Variants in COL28A1 observed in about 807,000 individuals in gnomAD.
COL28A1 encodes collagen type XXVIII alpha 1 chain, also known as collagen alpha-1(XXVIII) chain.
In COL28A1, 161 loss-of-function variants were observed where a neutral mutation model predicts 150.2. The ratio of observed to expected loss-of-function variants is 1.07; its 90% confidence interval spans 0.94 to 1.22. The LOEUF is 1.22. Among genes scored for constraint, COL28A1 ranks in the 50% most tolerant of loss-of-function variants. The pLI is 0.00. For missense variants in COL28A1, 1,617 were observed against 1,388.3 expected (o/e 1.16, Z -2.62); for synonymous variants, 552 against 469.7 (o/e 1.18, Z -2.26).
At chr7:7,419,745 A>G (rs1784291819) in intron 26 of COL28A1, 140 bp downstream of exon 26, 1 of 450,996 alleles carries the variant, frequency 2.2e-6, no homozygotes. Context: ...TTCACCTGAT[A>G]TGAAAAATAA....
At chr7:7,486,090 T>C (rs1221857725) in intron 13 of COL28A1, among the ~76,000 whole-genome samples, 1 of 152,180 alleles carries the variant, frequency 6.6e-6, no homozygotes, top group African/African-American at 2.4e-5. Flanking sequence ...TCTGTAAACA[T>C]GCCTCTAAAT....
intron 27 of COL28A1, among the ~76,000 whole-genome samples, chr7:7,410,319 C>A (rs1278439520): frequency 1.3e-5 from 2 of 152,132 alleles, no homozygotes; most frequent in Non-Finnish European, 2.9e-5. Flanking sequence ...ATTTTGATCA[C>A]CAAGATAATT....
intron 3 of COL28A1, among the ~76,000 whole-genome samples, chr7:7,527,129 T>C (rs1344464728): frequency 6.6e-6 from 1 of 152,238 alleles, no homozygotes; most frequent in African/African-American, 2.4e-5. Context: ...ACTCATTTAA[T>C]TTTGTGTTTG....
chr7:7,448,995 G>A (rs1786482185), intron 18 of COL28A1, among the ~76,000 whole-genome samples: 1 of 152,000 alleles, frequency 6.6e-6, no homozygotes, highest in South Asian at 2.1e-4. Context: ...AGGGATAGAA[G>A]GACAGATGGT....
chr7:7,448,493 G>C (rs1043010996), intron 18 of COL28A1, among the ~76,000 whole-genome samples: 6 of 151,258 alleles, frequency 4.0e-5, no homozygotes, highest in Non-Finnish European at 4.4e-5. Context: ...AAGTTGATTT[G>C]GCAATTTCTT....
chr7:7,436,560 A>C, intron 22 of COL28A1, 97 bp from the exon 23 acceptor site: 2 of 786,774 alleles, frequency 2.5e-6, no homozygotes, highest in Non-Finnish European at 4.6e-6. Context: ...TAAAGAGCTT[A>C]ATCTGTCCAT....
upstream of COL28A1, among the ~76,000 whole-genome samples, chr7:7,536,229 A>T (rs180958527): frequency 5.6e-4 from 85 of 152,224 alleles, no homozygotes; most frequent in Admixed American, 4.3e-3. Flanking sequence ...TTTTTAAGAG[A>T]GGTAACAGTT....
In COL28A1 at chr7:7,444,200, C is replaced by G. The variant is rs191009789; in HGVS notation, c.1581+218G>C. Reference sequence around the variant, plus strand: ...AAGAAACTAGGCCATAACCAAAACACCAGACAGAAGGCAGAGGATGTGAGA... The same window carrying G: ...AAGAAACTAGGCCATAACCAAAACAGCAGACAGAAGGCAGAGGATGTGAGA... On this transcript the variant is annotated intron_variant, in intron 19 of 34. Transcript: ENST00000399429. Among the ~76,000 whole-genome samples, 259 of 152,042 alleles carry G rather than the reference C, an allele frequency of 1.7e-3. 1 individual carries two copies. The highest frequency in any genetic ancestry group is 3.1e-3 in the Non-Finnish European group (212 of 67,998).
chr7:7,522,329 T>G (rs958892497), intron 4 of COL28A1, among the ~76,000 whole-genome samples: 2 of 152,224 alleles, frequency 1.3e-5, no homozygotes, highest in African/African-American at 4.8e-5. Flanking sequence ...TTAGAATTTC[T>G]GATCCTTCTC....
At chr7:7,454,005 A>G (rs936790707) in intron 16 of COL28A1, among the ~76,000 whole-genome samples, 1 of 152,218 alleles carries the variant, frequency 6.6e-6, no homozygotes, top group Non-Finnish European at 1.5e-5. Context: ...TAGTCAGTAG[A>G]TACCAAACTG....
At chr7:7,355,605 C>G (rs577752549), downstream of COL28A1, among the ~76,000 whole-genome samples, 1 of 152,126 alleles carries the variant, frequency 6.6e-6, no homozygotes, top group East Asian at 1.9e-4. Flanking sequence ...AACACTCCAT[C>G]TCAAAAACAA....
Position 7,437,609 on chromosome 7 carries a change from G to A in COL28A1, c.1723-147C>T, listed in dbSNP as rs796390634. On this transcript the variant is annotated intron_variant, in intron 21 of 34. Transcript: ENST00000399429. ...AAAGACCAATGTGAAAATAATTTGAGCATCTTTTGTAACCACTGCTAGTTA... is the reference window on the plus strand; with the variant it reads ...AAAGACCAATGTGAAAATAATTTGAACATCTTTTGTAACCACTGCTAGTTA... 8.5e-6 allele frequency: 11 copies of A among 1,300,080 alleles called. No individual in the cohort carries two copies. The African/African-American group carries it at 2.2e-4, about 26-fold the overall frequency. 80.5% of individuals were successfully genotyped at this position (1,300,080 alleles called of 1,614,324 possible). A position where few individuals can be genotyped will look rare whatever the true frequency, so the allele number is the denominator to read the frequency against.
At chr7:7,415,484 C>T (rs532801059) in intron 27 of COL28A1, among the ~76,000 whole-genome samples, 3 of 152,208 alleles carry the variant, frequency 2.0e-5, no homozygotes, top group Non-Finnish European at 2.9e-5. Flanking sequence ...CTCTGCCCTG[C>T]TACCAACTGG....
intron 13 of COL28A1, among the ~76,000 whole-genome samples, chr7:7,479,627 A>G (rs1204952367): frequency 2.0e-5 from 3 of 152,238 alleles, no homozygotes; most frequent in African/African-American, 7.2e-5. Flanking sequence ...TTTTATATGC[A>G]AATTGAAATC....
rs1780431869 is a variant in COL28A1 at position 7,358,157 on chromosome 7, C to T, written c.*476G>A. ...CCCAGCACTCCTGCGTAAACATTTA[C>T]ATCATTTCTAATTCTCACACCGAAG... is the stretch of plus-strand genomic sequence containing the variant. On this transcript the variant is annotated 3_prime_UTR_variant, in exon 35 of 35. Coordinates refer to ENST00000399429, the MANE Select transcript of COL28A1 (RefSeq NM_001037763.3). 1.3e-5 allele frequency: 2 copies of T among 152,440 alleles called. No homozygotes were observed. The highest frequency in any genetic ancestry group is 4.8e-5 in the African/African-American group (2 of 41,428). 9.4% of individuals were successfully genotyped at this position (152,440 alleles called of 1,614,324 possible). A position where few individuals can be genotyped will look rare whatever the true frequency, so the allele number is the denominator to read the frequency against.
chr7:7,433,421 G>A (rs915484481), intron 23 of COL28A1, among the ~76,000 whole-genome samples: 4 of 152,044 alleles, frequency 2.6e-5, no homozygotes, highest in Non-Finnish European at 5.9e-5. Flanking sequence ...GGATCACCAG[G>A]TCAGGAGTTC....
chr7:7,377,117 T>C (rs190439954), intron 30 of COL28A1, among the ~76,000 whole-genome samples: 1 of 152,380 alleles, frequency 6.6e-6, no homozygotes, highest in East Asian at 1.9e-4. Flanking sequence ...TATCTTTTTC[T>C]ATGGGAATAT....
chr7:7,477,299 A>C (rs1323592352), intron 13 of COL28A1, 119 bp from the exon 14 acceptor site: 4 of 674,904 alleles, frequency 5.9e-6, no homozygotes, highest in Non-Finnish European at 1.1e-5. Context: ...TGCCAAAAAA[A>C]AATGGATAGT....
At chr7:7,420,627 T>A (rs1784345113) in intron 25 of COL28A1, among the ~76,000 whole-genome samples, 1 of 152,266 alleles carries the variant, frequency 6.6e-6, no homozygotes, top group South Asian at 2.1e-4. Context: ...CACAATAATC[T>A]TGCATTATAA....
Sources: gnomAD v4.1 joint callset for allele counts (sites outside exome capture counted in the v4.1 genomes callset) on GRCh38, gnomAD v4.1.1 for gene constraint, MANE v1.5 for transcripts, NCBI Gene and HGNC (gene_info 2026-07-23, HGNC 2026-07-21) for gene names.